Variants in C8orf89 observed in about 807,000 individuals in gnomAD.
C8orf89 encodes the protein putative uncharacterized protein C8orf89.
C8orf89 carries 14 observed loss-of-function variants against 15.8 expected under a neutral mutation model. The observed-to-expected ratio is 0.89, with a 90% CI of 0.59 to 1.39. The LOEUF is 1.39. Ranked by LOEUF, C8orf89 falls within the 40% of genes most tolerant of loss-of-function variation. The pLI is 0.00. For missense variants in C8orf89, 181 were observed against 184.5 expected (o/e 0.98, Z 0.11); for synonymous variants, 55 against 62.2 (o/e 0.88, Z 0.54).
chr8:73,269,092 C>T, the C8orf89 span, among the ~76,000 whole-genome samples: 1 of 151,868 alleles, frequency 6.6e-6, no homozygotes, highest in Non-Finnish European at 1.5e-5. Context: ...AAGTATCCAG[C>T]AAAAATGTCA....
chr8:73,248,840 G>A (rs935298343), intron 3 of C8orf89, among the ~76,000 whole-genome samples: 2 of 152,148 alleles, frequency 1.3e-5, no homozygotes, highest in African/African-American at 2.4e-5. Context: ...GAGCTTTTGG[G>A]CCAAGACTAT....
chr8:73,246,353 C>A (rs1813123572), intron 3 of C8orf89, among the ~76,000 whole-genome samples: 1 of 152,122 alleles, frequency 6.6e-6, no homozygotes, highest in South Asian at 2.1e-4. Flanking sequence ...AGATTCAAAG[C>A]AATGTCTTTT....
chr8:73,258,628 A>AT (rs10691611), intron 1 of C8orf89, among the ~76,000 whole-genome samples: 7,994 of 137,282 alleles, frequency 0.058, 342 homozygotes, highest in African/African-American at 0.1. Flanking sequence ...TTTGGTTAGA[A>AT]TTTTTTTTTT....
the C8orf89 span, among the ~76,000 whole-genome samples, chr8:73,274,482 CT>C: frequency 6.6e-6 from 1 of 152,092 alleles, no homozygotes; most frequent in Admixed American, 6.5e-5. Context: ...CTTTTGTTTG[CT>C]TTAAAAAATG....
intron 3 of C8orf89, among the ~76,000 whole-genome samples, chr8:73,248,258 G>A (rs1364071162): frequency 6.6e-6 from 1 of 152,004 alleles, no homozygotes; most frequent in East Asian, 1.9e-4. Context: ...GTAGGTGTGT[G>A]GCCTTATTTC....
chr8:73,250,205 T>TA (rs1243919737), intron 3 of C8orf89, 63 bp downstream of exon 3: 9 of 1,003,706 alleles, frequency 9.0e-6, no homozygotes, highest in South Asian at 4.7e-5. Context: ...GAATTTTTTT[T>TA]AAAAAAAGAT....
intron 3 of C8orf89, among the ~76,000 whole-genome samples, chr8:73,247,342 T>C (rs1005800142): frequency 1.3e-5 from 2 of 152,236 alleles, no homozygotes; most frequent in Non-Finnish European, 2.9e-5. Flanking sequence ...CAGTCTACCA[T>C]TGATGGGCAT....
the C8orf89 span, among the ~76,000 whole-genome samples, chr8:73,280,575 T>C: frequency 1.3e-5 from 2 of 152,082 alleles, no homozygotes; most frequent in East Asian, 1.9e-4. Flanking sequence ...GGTTTCACCA[T>C]GTTGGCCAGG....
At chr8:73,266,547 C>CTA in the C8orf89 span, among the ~76,000 whole-genome samples, 1 of 152,210 alleles carries the variant, frequency 6.6e-6, no homozygotes, top group African/African-American at 2.4e-5. Context: ...CGTACAGGAT[C>CTA]TACCTTATGG....
the C8orf89 span, among the ~76,000 whole-genome samples, chr8:73,273,566 G>A: frequency 6.6e-6 from 1 of 152,152 alleles, no homozygotes; most frequent in Non-Finnish European, 1.5e-5. Flanking sequence ...GAACCCCTCT[G>A]CATGAATAGC....
the C8orf89 span, among the ~76,000 whole-genome samples, chr8:73,282,043 T>C: frequency 6.6e-6 from 1 of 152,248 alleles, no homozygotes; most frequent in Non-Finnish European, 1.5e-5. Flanking sequence ...AAATAACTTT[T>C]CTATGTTAAA....
chr8:73,251,823 T>A (rs774394745), intron 2 of C8orf89, among the ~76,000 whole-genome samples: 1 of 152,184 alleles, frequency 6.6e-6, no homozygotes, highest in Non-Finnish European at 1.5e-5. Context: ...GACGGGTCCA[T>A]ACCGATGCAA....
At position 73,250,324 on chromosome 8, in the gene C8orf89, C is replaced by T. The variant is rs1205850163; in HGVS notation, c.282-1G>A. 6.6e-7 allele frequency: 1 copy of T among 1,512,702 alleles called. No individual in the cohort carries two copies. The highest frequency in any genetic ancestry group is 8.9e-7 in the Non-Finnish European group (1 of 1,127,352). The allele number at this position is 1,512,702 out of a possible 1,614,324, so 93.7% of individuals were successfully genotyped here. ...GCATGTCTCCTTAGTCTTCTTTAGC[C>T]TGAATATTATATATTATCATAAAAT... is the stretch of plus-strand genomic sequence containing the variant. On this transcript the variant is annotated splice_acceptor_variant, in intron 2 of 3. Transcript: ENST00000624510. LOFTEE classifies it high-confidence loss of function.
chr8:73,273,627 G>A, the C8orf89 span, among the ~76,000 whole-genome samples: 2 of 152,266 alleles, frequency 1.3e-5, no homozygotes, highest in South Asian at 4.1e-4. Context: ...CAGGAGTCAG[G>A]CTCCTAGGTG....
At chr8:73,282,688 C>T in the C8orf89 span, among the ~76,000 whole-genome samples, 1 of 152,206 alleles carries the variant, frequency 6.6e-6, no homozygotes, top group Non-Finnish European at 1.5e-5. Context: ...TTTCTATTCA[C>T]AGCTATGCTT....
chr8:73,242,347 G>A (rs34207722), intron 3 of C8orf89, among the ~76,000 whole-genome samples: 5 of 152,092 alleles, frequency 3.3e-5, no homozygotes, highest in Admixed American at 6.6e-5. Context: ...GGTGGCTCAC[G>A]TCTATAATCC....
the C8orf89 span, among the ~76,000 whole-genome samples, chr8:73,271,521 G>T: frequency 3.3e-5 from 5 of 152,118 alleles, no homozygotes; most frequent in Admixed American, 2.6e-4. Flanking sequence ...ATTTTTTGAT[G>T]CAACACAAAA....
At chr8:73,247,505 G>A (rs1342340184) in intron 3 of C8orf89, among the ~76,000 whole-genome samples, 1 of 152,172 alleles carries the variant, frequency 6.6e-6, no homozygotes, top group Non-Finnish European at 1.5e-5. Flanking sequence ...TTAGGTCTTT[G>A]AGGAATCACC....
At chr8:73,284,001 C>T in the C8orf89 span, among the ~76,000 whole-genome samples, 1 of 150,506 alleles carries the variant, frequency 6.6e-6, no homozygotes, top group African/African-American at 2.5e-5. Context: ...AGGACCGCGC[C>T]ATGGCACTCC....
Sources: gnomAD v4.1 joint callset for allele counts (sites outside exome capture counted in the v4.1 genomes callset) on GRCh38, gnomAD v4.1.1 for gene constraint, MANE v1.5 for transcripts, NCBI Gene and HGNC (gene_info 2026-07-23, HGNC 2026-07-21) for gene names.